PRDM5: variants seen among roughly 807,000 people sequenced by gnomAD.
PRDM5 encodes the protein PR domain zinc finger protein 5.
Under a neutral mutation model 81.2 loss-of-function variants are expected in PRDM5, and 56 were observed. That is an observed-to-expected ratio of 0.69 (90% CI 0.56 to 0.86). PRDM5 has a LOEUF of 0.86. PRDM5 is among the 40% of genes least tolerant of loss of function. The pLI is 0.00. For synonymous variants in PRDM5, 267 were observed against 256.4 expected, an observed-to-expected ratio of 1.04 and a Z score of -0.39; for missense variants, 697 against 770.1, an observed-to-expected ratio of 0.91 and a Z score of 1.12.
chr4:120,802,091 G>A (rs935260582), intron 8 of PRDM5, among the ~76,000 whole-genome samples: 1 of 152,076 alleles, frequency 6.6e-6, no homozygotes, highest in Non-Finnish European at 1.5e-5. Context: ...TTGTTCACTT[G>A]TTAATTCTCA....
chr4:120,856,372 T>C (rs1759877222), intron 2 of PRDM5, among the ~76,000 whole-genome samples: 1 of 152,240 alleles, frequency 6.6e-6, no homozygotes, highest in African/African-American at 2.4e-5. Context: ...CTTTGTTCAT[T>C]AACAGAATCA....
In PRDM5 at chr4:120,817,149, A is replaced by G. The variant is rs17051265; in HGVS notation, c.651-225T>C. 0.054 allele frequency among the ~76,000 whole-genome samples: 8,281 copies of G among 152,272 alleles called. 338 individuals carry two copies. The highest frequency in any genetic ancestry group is 0.12 in the African/African-American group (4,878 of 41,540). ...ATGCAATAAAAGCTAACCAGAATGC[A>G]ACTTAACATCTATTTATTTAAAAGC... is the stretch of plus-strand genomic sequence containing the variant. On this transcript the variant is annotated intron_variant, in intron 5 of 15. Coordinates refer to ENST00000264808, the MANE Select transcript of PRDM5 (RefSeq NM_018699.4).
intron 2 of PRDM5, among the ~76,000 whole-genome samples, chr4:120,889,818 G>A (rs1763845456): frequency 6.6e-6 from 1 of 152,040 alleles, no homozygotes; most frequent in Non-Finnish European, 1.5e-5. Context: ...TGACACATGT[G>A]GTATTTGATT....
chr4:120,846,862 T>C (rs1287774781), intron 3 of PRDM5, among the ~76,000 whole-genome samples: 3 of 152,164 alleles, frequency 2.0e-5, no homozygotes, highest in African/African-American at 7.2e-5. Flanking sequence ...TTGGGCCTGG[T>C]ACGTAGCAGA....
At chr4:120,892,965 G>T (rs1169567367) in intron 2 of PRDM5, among the ~76,000 whole-genome samples, 1 of 152,228 alleles carries the variant, frequency 6.6e-6, no homozygotes, top group Non-Finnish European at 1.5e-5. Context: ...GCCCCATCCA[G>T]TGAAGGGGGA....
intron 3 of PRDM5, among the ~76,000 whole-genome samples, chr4:120,826,174 T>C (rs1755950615): frequency 6.6e-6 from 1 of 152,198 alleles, no homozygotes; most frequent in East Asian, 1.9e-4. Context: ...TTCATGTCAT[T>C]CTCTTGTCCC....
Position 120,854,692 on chromosome 4 carries a change from G to A in PRDM5, c.178-1152C>T, listed in dbSNP as rs187298322. On this transcript the variant is annotated intron_variant, in intron 2 of 15. Coordinates refer to ENST00000264808, the MANE Select transcript of PRDM5 (RefSeq NM_018699.4). The stretch of plus-strand genomic sequence containing the variant: ...GTAAACAAATGTAGAATATAATTTC[G>A]TGTAAAGATGAGTACTATGATGACA... Among the ~76,000 whole-genome samples the A allele has an allele frequency of 2.1e-3, 321 of 152,130 alleles. 2 individuals carry two copies. The highest frequency in any genetic ancestry group is 7.1e-3 in the African/African-American group (295 of 41,502).
At chr4:120,806,461 A>G (rs879139368) in intron 8 of PRDM5, among the ~76,000 whole-genome samples, 1 of 152,230 alleles carries the variant, frequency 6.6e-6, no homozygotes, top group Non-Finnish European at 1.5e-5. Flanking sequence ...CTACAAGGCT[A>G]CAGTAACCAA....
At chr4:120,899,286 G>C (rs1339751583) in intron 2 of PRDM5, among the ~76,000 whole-genome samples, 1 of 152,114 alleles carries the variant, frequency 6.6e-6, no homozygotes, top group African/African-American at 2.4e-5. Flanking sequence ...TTCTACACAG[G>C]CTGGAGACCT....
chr4:120,737,275 A>G (rs144614959), intron 14 of PRDM5, among the ~76,000 whole-genome samples: 96 of 152,322 alleles, frequency 6.3e-4, no homozygotes, highest in African/African-American at 2.1e-3. Flanking sequence ...CAGAGCATCA[A>G]GTTCAGAGTA....
Position 120,694,956 on chromosome 4 carries a change from T to A in PRDM5, c.*155A>T. On this transcript the variant is annotated 3_prime_UTR_variant, in exon 16 of 16. Coordinates refer to ENST00000264808, the MANE Select transcript of PRDM5 (RefSeq NM_018699.4). ...TGTTAAAAGTAAGACTTTTTTTTGG[T>A]TGCATATGCATCTACAGACTCTAAA... The A allele has an allele frequency of 1.2e-6, 1 of 818,624 alleles. No individual in the cohort carries two copies. Among genetic ancestry groups the A allele is most frequent in the South Asian group, 1.6e-5 (1 of 63,394 alleles). The allele number at this position is 818,624 out of a possible 1,614,324, so 50.7% of individuals were successfully genotyped here.
chr4:120,806,680 C>T (rs904604570), intron 8 of PRDM5, among the ~76,000 whole-genome samples: 8 of 152,152 alleles, frequency 5.3e-5, no homozygotes, highest in Non-Finnish European at 8.8e-5. Context: ...CTTCCTTACA[C>T]CCTATACAAA....
rs34889092 is a variant in PRDM5, at chr4:120,886,947, C to CT, written c.177+20526dup. On this transcript the variant is annotated intron_variant, in intron 2 of 15. Coordinates refer to ENST00000264808, the MANE Select transcript of PRDM5 (RefSeq NM_018699.4). ...AAAGTCATTCTTGACTCTTCTCTTT[C>CT]TTTTTTTTTTTTTTATGAGATGAAG... Among the ~76,000 whole-genome samples the CT allele has an allele frequency of 7.0e-3, 1,002 of 142,582 alleles. 6 individuals are homozygous for CT. Among genetic ancestry groups the CT allele is most frequent in the African/African-American group, 0.015 (586 of 39,082 alleles). The allele number at this position is 142,582 out of a possible 152,430, so 93.5% of individuals were successfully genotyped here. A position where few individuals can be genotyped will look rare whatever the true frequency, so the allele number is the denominator to read the frequency against.
chr4:120,725,998 C>T (rs1360824074), intron 14 of PRDM5, among the ~76,000 whole-genome samples: 4 of 152,116 alleles, frequency 2.6e-5, no homozygotes, highest in African/African-American at 9.7e-5. Flanking sequence ...CTCTAGCTAG[C>T]CCTTTCCCAT....
intron 14 of PRDM5, among the ~76,000 whole-genome samples, chr4:120,749,025 CA>C (rs1490456214): frequency 6.6e-6 from 1 of 152,060 alleles, no homozygotes; most frequent in Non-Finnish European, 1.5e-5. Context: ...AAGTTATCCT[CA>C]AAAACCCTAC....
At chr4:120,862,526 T>C (rs1760719585) in intron 2 of PRDM5, among the ~76,000 whole-genome samples, 1 of 152,148 alleles carries the variant, frequency 6.6e-6, no homozygotes, top group African/African-American at 2.4e-5. Context: ...AAGCTTCCAG[T>C]AGAGAGGTAC....
chr4:120,838,046 T>C (rs1458281673), intron 3 of PRDM5: 1 of 152,232 alleles, frequency 6.6e-6, no homozygotes, highest in Non-Finnish European at 1.5e-5. Context: ...AGACAGTATG[T>C]ATAGTTTTGA....
chr4:120,703,073 T>G (rs1432762687), intron 15 of PRDM5, among the ~76,000 whole-genome samples: 3 of 152,196 alleles, frequency 2.0e-5, no homozygotes, highest in African/African-American at 7.2e-5. Flanking sequence ...TATGGCTGAT[T>G]CTTCTCATCT....
chr4:120,690,625 T>C (rs72919569), downstream of PRDM5, among the ~76,000 whole-genome samples: 252 of 152,276 alleles, frequency 1.7e-3, no homozygotes, highest in African/African-American at 5.7e-3. Context: ...CATTATTAGA[T>C]AGTCTGTAAG....
Sources: allele counts gnomAD v4.1 joint callset (sites outside exome capture counted in the v4.1 genomes callset), GRCh38; gene constraint gnomAD v4.1.1; transcripts MANE v1.5; gene names NCBI Gene and HGNC (gene_info 2026-07-23, HGNC 2026-07-21).